The following TBC1D19 variants were observed in gnomAD, a reference collection of about 807,000 sequenced individuals.
The protein encoded by TBC1D19 is TBC1 domain family, member 19.
Under a neutral mutation model 89.0 loss-of-function variants are expected in TBC1D19, and 60 were observed. The ratio of observed to expected loss-of-function variants is 0.67; its 90% confidence interval spans 0.55 to 0.84. The LOEUF (loss-of-function observed/expected upper bound fraction) is 0.84. Among genes scored for constraint, TBC1D19 ranks in the 40% least tolerant of loss-of-function variants. TBC1D19 has a pLI of 0.00. For missense variants in TBC1D19, 500 were observed against 610.8 expected (o/e 0.82, Z 1.91); for synonymous variants, 189 against 199.7 (o/e 0.95, Z 0.45).
At chr4:26,639,289 T>G (rs1370839941) in intron 6 of TBC1D19, among the ~76,000 whole-genome samples, 1 of 152,086 alleles carries the variant, frequency 6.6e-6, no homozygotes, top group East Asian at 1.9e-4. Flanking sequence ...TGGCCTCAAG[T>G]AATCCTCCCA....
At chr4:26,750,998 C>T (rs1044020804) in intron 19 of TBC1D19, among the ~76,000 whole-genome samples, 4 of 151,966 alleles carry the variant, frequency 2.6e-5, no homozygotes, top group Non-Finnish European at 4.4e-5. Context: ...TTAATGTTCT[C>T]GATAGAATTG....
intron 1 of TBC1D19, among the ~76,000 whole-genome samples, chr4:26,596,726 G>T (rs1400760078): frequency 1.3e-5 from 2 of 151,530 alleles, no homozygotes; most frequent in Admixed American, 6.6e-5. Context: ...TGCATGCAAG[G>T]TTATAATTTT....
intron 1 of TBC1D19, among the ~76,000 whole-genome samples, chr4:26,602,805 G>C (rs1483502182): frequency 1.3e-5 from 2 of 151,172 alleles, no homozygotes; most frequent in African/African-American, 4.8e-5. Flanking sequence ...AGTTTTACTT[G>C]AGTGTCTTTG....
At chr4:26,614,474 T>C (rs1391875965) in intron 3 of TBC1D19, 21 bp downstream of exon 3, 2 of 1,568,374 alleles carry the variant, frequency 1.3e-6, no homozygotes, top group Non-Finnish European at 8.7e-7. Context: ...CCACCTATTT[T>C]ACAATAGTAT....
the TBC1D19 span, among the ~76,000 whole-genome samples, chr4:26,827,569 A>T: frequency 6.6e-6 from 1 of 152,210 alleles, no homozygotes. Flanking sequence ...GCACTACTGC[A>T]CTCCAGCCTG....
At chr4:26,800,928 A>T in the TBC1D19 span, among the ~76,000 whole-genome samples, 1 of 152,120 alleles carries the variant, frequency 6.6e-6, no homozygotes, top group East Asian at 1.9e-4. Context: ...GATGAGTAGA[A>T]TGCAAAAAAT....
chr4:26,837,975 A>T, the TBC1D19 span, among the ~76,000 whole-genome samples: 1 of 152,206 alleles, frequency 6.6e-6, no homozygotes, highest in Non-Finnish European at 1.5e-5. Context: ...AGGAGAATAA[A>T]GGTTGAAGAA....
At chr4:26,809,216 C>G in the TBC1D19 span, among the ~76,000 whole-genome samples, 11 of 152,282 alleles carry the variant, frequency 7.2e-5, no homozygotes, top group East Asian at 1.9e-3. Flanking sequence ...ATCTGCCCCT[C>G]CAGGTGAGCT....
intron 7 of TBC1D19, among the ~76,000 whole-genome samples, chr4:26,656,793 A>G (rs1331459262): frequency 1.3e-5 from 2 of 152,132 alleles, no homozygotes; most frequent in Non-Finnish European, 2.9e-5. Context: ...TCTTGAGCTC[A>G]GGCACTCTGC....
At chr4:26,669,952 G>A (rs1449742565) in intron 9 of TBC1D19, among the ~76,000 whole-genome samples, 2 of 151,788 alleles carry the variant, frequency 1.3e-5, no homozygotes, top group Non-Finnish European at 3.0e-5. Flanking sequence ...GTTTTGTGAT[G>A]TGCTTATCAA....
At chr4:26,808,727 C>CAAAAAA in the TBC1D19 span, among the ~76,000 whole-genome samples, 31 of 94,632 alleles carry the variant, frequency 3.3e-4, no homozygotes, top group Admixed American at 7.2e-4. Context: ...GACTCTGTCT[C>CAAAAAA]AAAAAAAAAA....
At position 26,705,033 on chromosome 4, in the gene TBC1D19, T is replaced by A. The variant is rs541421860; in HGVS notation, c.955-12900T>A. On this transcript the variant is annotated intron_variant, in intron 13 of 20. Transcript: ENST00000264866. ...CTAATGATTAATGATATTGAGCATC[T>A]TTTCTTGTGCTCATTAACCATTTAT... 1.1e-3 allele frequency among the ~76,000 whole-genome samples: 161 copies of A among 143,056 alleles called. 1 individual carries two copies. The highest frequency in any genetic ancestry group is 3.4e-3 in the Middle Eastern group (1 of 294). 93.9% of individuals were successfully genotyped at this position (143,056 alleles called of 152,430 possible). A position where few individuals can be genotyped will look rare whatever the true frequency, so the allele number is the denominator to read the frequency against.
the TBC1D19 span, among the ~76,000 whole-genome samples, chr4:26,826,422 A>C: frequency 3.0e-4 from 46 of 152,228 alleles, no homozygotes; most frequent in East Asian, 7.1e-3. Context: ...TTGTGCCCTT[A>C]CTGTCTGCTC....
Position 26,753,847 on chromosome 4 carries a change from G to A in TBC1D19, c.1463G>A (p.Arg488Gln), listed in dbSNP as rs1168548454. ...AVLAAAVFAF[R>Q]AVNLMEVTSL... ...CTGGCAGCTGCCGTGTTTGCTTTCCGAGCAGTGAACCTGATGGAGGTGACA... is the reference window on the plus strand; with the variant it reads ...CTGGCAGCTGCCGTGTTTGCTTTCCAAGCAGTGAACCTGATGGAGGTGACA... Residue 488 changes from arginine to glutamine, a missense_variant, in exon 20 of 21, where the codon CGA becomes CAA. Around this residue, in one of 2 missense-constraint regions of TBC1D19, gnomAD observed 220 missense variants for 319.1 expected, o/e 0.69. Transcript: ENST00000264866. The A allele has an allele frequency of 3.1e-6, 5 of 1,613,900 alleles. No homozygotes were observed. The highest frequency in any genetic ancestry group is 1.7e-5 in the Admixed American group (1 of 59,998).
At chr4:26,679,231 C>T (rs951014114) in intron 11 of TBC1D19, among the ~76,000 whole-genome samples, 3 of 152,144 alleles carry the variant, frequency 2.0e-5, no homozygotes, top group Admixed American at 1.3e-4. Flanking sequence ...AAAATGGTTT[C>T]CTGAGCCAAG....
the TBC1D19 span, among the ~76,000 whole-genome samples, chr4:26,801,272 C>A: frequency 6.6e-6 from 1 of 151,760 alleles, no homozygotes; most frequent in Non-Finnish European, 1.5e-5. Context: ...GAAATCCTTT[C>A]CCCATTTCTT....
chr4:26,795,293 G>C, the TBC1D19 span, among the ~76,000 whole-genome samples: 1 of 152,162 alleles, frequency 6.6e-6, no homozygotes, highest in Non-Finnish European at 1.5e-5. Context: ...ACTTTCCAGG[G>C]AGCCCTTTCC....
At chr4:26,805,760 C>A in the TBC1D19 span, among the ~76,000 whole-genome samples, 1 of 152,122 alleles carries the variant, frequency 6.6e-6, no homozygotes, top group Non-Finnish European at 1.5e-5. Flanking sequence ...CTTTGGGAGG[C>A]TTAGGTGGGT....
At chr4:26,770,997 ATAT>A in the TBC1D19 span, among the ~76,000 whole-genome samples, 4 of 39,878 alleles carry the variant, frequency 1.0e-4, no homozygotes, top group South Asian at 1.6e-3. Context: ...ATAAATACCA[ATAT>A]TATTATAGAA....
Sources: gnomAD v4.1 joint callset for allele counts (sites outside exome capture counted in the v4.1 genomes callset) on GRCh38, gnomAD v4.1.1 for gene constraint, gnomAD v4.1.1 regional missense constraint, MANE v1.5 for transcripts, NCBI Gene and HGNC (gene_info 2026-07-23, HGNC 2026-07-21) for gene names.